RFX3: variants seen among roughly 807,000 people sequenced by gnomAD.
RFX3 encodes transcription factor RFX3.
Under a neutral mutation model 98.6 loss-of-function variants are expected in RFX3, and 14 were observed. That is an observed-to-expected ratio of 0.14 (90% confidence interval 0.09 to 0.22). The LOEUF (loss-of-function observed/expected upper bound fraction) is 0.22, where lower values mean the gene tolerates loss of function less well. Among genes scored for constraint, RFX3 ranks in the 10% least tolerant of loss-of-function variants. RFX3 has a pLI of 1.00. For missense variants in RFX3, 639 were observed against 926.9 expected, an observed-to-expected ratio of 0.69 and a Z score of 4.03; for synonymous variants, 383 against 328.4, an observed-to-expected ratio of 1.17 and a Z score of -1.80.
intron 1 of RFX3, among the ~76,000 whole-genome samples, chr9:3,470,508 T>A (rs796225324): frequency 1.3e-5 from 2 of 148,322 alleles, no homozygotes; most frequent in African/African-American, 5.1e-5. Context: ...TTTTTTTTTT[T>A]AGTAGAGACG....
intron 1 of RFX3, among the ~76,000 whole-genome samples, chr9:3,508,609 A>G (rs556844913): frequency 1.3e-4 from 20 of 152,086 alleles, no homozygotes; most frequent in Non-Finnish European, 2.7e-4. Context: ...CGTTTATTAC[A>G]TCTCCCTTTT....
intron 7 of RFX3, among the ~76,000 whole-genome samples, chr9:3,282,496 C>T (rs528836872): frequency 2.6e-5 from 4 of 151,572 alleles, no homozygotes; most frequent in African/African-American, 7.3e-5. Flanking sequence ...AAGCTGCTGG[C>T]GAAAATCAGA....
At chr9:3,491,486 G>A (rs1564170283) in intron 1 of RFX3, among the ~76,000 whole-genome samples, 1 of 152,052 alleles carries the variant, frequency 6.6e-6, no homozygotes, top group East Asian at 1.9e-4. Flanking sequence ...AAACATATCT[G>A]CAGTTATAAA....
At chr9:3,411,874 C>A (rs554429002) in intron 1 of RFX3, among the ~76,000 whole-genome samples, 1 of 152,160 alleles carries the variant, frequency 6.6e-6, no homozygotes, top group East Asian at 1.9e-4. Flanking sequence ...ACACAACAGC[C>A]CCTCCAAAAT....
chr9:3,437,729 T>A (rs1845271811), intron 1 of RFX3, among the ~76,000 whole-genome samples: 1 of 152,034 alleles, frequency 6.6e-6, no homozygotes, highest in Non-Finnish European at 1.5e-5. Flanking sequence ...AAGTAACCAC[T>A]GCAGTATTCA....
chr9:3,471,696 T>A (rs1000398018), intron 1 of RFX3, among the ~76,000 whole-genome samples: 3 of 152,238 alleles, frequency 2.0e-5, no homozygotes, highest in Admixed American at 6.5e-5. Context: ...AGGTGGCTAG[T>A]TATTAGAAAA....
intron 7 of RFX3, among the ~76,000 whole-genome samples, chr9:3,283,135 C>G (rs1448843399): frequency 6.6e-6 from 1 of 151,584 alleles, no homozygotes; most frequent in Non-Finnish European, 1.5e-5. Flanking sequence ...GAATGATAAA[C>G]TATTAACATC....
In RFX3 at chr9:3,292,061, C is replaced by CAAAAAAAAAAAAAAAAAA. The variant is rs58788880; in HGVS notation, c.731+998_731+1015dup. Reference sequence around the variant, plus strand: ...ACAGAAACAGAGTGAGACTCCATCTCAAAAAAAAAAAAAAAAAAAAAAAAA... The same window carrying CAAAAAAAAAAAAAAAAAA: ...ACAGAAACAGAGTGAGACTCCATCTCAAAAAAAAAAAAAAAAAAAAAAAAAAAAAAAAAAAAAAAAAAA... On this transcript the variant is annotated intron_variant, in intron 6 of 16. Coordinates refer to ENST00000617270, the MANE Select transcript of RFX3 (RefSeq NM_001282116.2). Among the ~76,000 whole-genome samples, 4 of 23,946 alleles carry CAAAAAAAAAAAAAAAAAA rather than the reference C, an allele frequency of 1.7e-4. 1 individual carries two copies. The highest frequency in any genetic ancestry group is 5.6e-4 in the African/African-American group (4 of 7,108). 15.7% of individuals were successfully genotyped at this position (23,946 alleles called of 152,430 possible).
At chr9:3,490,120 A>C (rs760690808) in intron 1 of RFX3, among the ~76,000 whole-genome samples, 1 of 152,214 alleles carries the variant, frequency 6.6e-6, no homozygotes, top group Non-Finnish European at 1.5e-5. Flanking sequence ...CACCATATTA[A>C]CTATTGCCAA....
chr9:3,275,850 A>T (rs1825138530), intron 8 of RFX3, among the ~76,000 whole-genome samples: 1 of 152,100 alleles, frequency 6.6e-6, no homozygotes, highest in Non-Finnish European at 1.5e-5. Context: ...TTGCAATACA[A>T]TTATACTGCA....
At chr9:3,267,685 T>C (rs1823824283) in intron 11 of RFX3, among the ~76,000 whole-genome samples, 1 of 151,818 alleles carries the variant, frequency 6.6e-6, no homozygotes, top group African/African-American at 2.4e-5. Flanking sequence ...TGAGAACTAA[T>C]CTTTTGAAAC....
intron 1 of RFX3, among the ~76,000 whole-genome samples, chr9:3,430,550 C>T (rs1406592449): frequency 6.6e-6 from 1 of 152,062 alleles, no homozygotes; most frequent in Non-Finnish European, 1.5e-5. Flanking sequence ...CTATTGTTAT[C>T]CTTTTATTTC....
intron 2 of RFX3, among the ~76,000 whole-genome samples, chr9:3,391,438 A>G (rs774093352): frequency 6.6e-6 from 1 of 152,242 alleles, no homozygotes; most frequent in Non-Finnish European, 1.5e-5. Flanking sequence ...ACTGCGTGAA[A>G]TAAAACACTT....
At chr9:3,396,451 T>G (rs1013842279) in intron 1 of RFX3, among the ~76,000 whole-genome samples, 1 of 152,210 alleles carries the variant, frequency 6.6e-6, no homozygotes, top group Non-Finnish European at 1.5e-5. Flanking sequence ...TGTTGGACAT[T>G]TGGCTTGGTT....
rs889371096 is a variant in RFX3 at position 3,346,829 on chromosome 9, A to G, written c.118-65T>C. On this transcript the variant is annotated intron_variant, in intron 2 of 16. Coordinates refer to ENST00000617270, the MANE Select transcript of RFX3 (RefSeq NM_001282116.2). ...TGATAGGAAGAATACAGAGCATTAG[A>G]TCTATCTCAAAGGTTTATCCGGTAT... 2.2e-5 allele frequency: 21 copies of G among 957,772 alleles called. No homozygotes were observed. In the African/African-American group the frequency reaches 2.6e-4, roughly 12 times the overall value. 59.3% of individuals were successfully genotyped at this position (957,772 alleles called of 1,614,324 possible).
At chr9:3,430,431 T>C (rs555603551) in intron 1 of RFX3, among the ~76,000 whole-genome samples, 1 of 152,290 alleles carries the variant, frequency 6.6e-6, no homozygotes, top group East Asian at 1.9e-4. Flanking sequence ...AGAAATAAGA[T>C]AGAGATATAA....
At chr9:3,525,292 C>T (rs1819151904) in intron 1 of RFX3, among the ~76,000 whole-genome samples, 1 of 152,106 alleles carries the variant, frequency 6.6e-6, no homozygotes, top group Non-Finnish European at 1.5e-5. Context: ...TTGTCTATTT[C>T]GGCTTTGAAA....
intron 1 of RFX3, among the ~76,000 whole-genome samples, chr9:3,440,687 C>CA (rs1336937904): frequency 2.0e-5 from 3 of 152,050 alleles, no homozygotes; most frequent in Non-Finnish European, 2.9e-5. Flanking sequence ...TAATGCAATC[C>CA]AAATCCCAAA....
chr9:3,483,007 G>A (rs146249226), intron 1 of RFX3, among the ~76,000 whole-genome samples: 3 of 152,282 alleles, frequency 2.0e-5, no homozygotes, highest in Admixed American at 2.0e-4. Flanking sequence ...ATTGTACCAA[G>A]AGTATAAGCA....
Sources: gnomAD v4.1 joint callset for allele counts (sites outside exome capture counted in the v4.1 genomes callset) on GRCh38, gnomAD v4.1.1 for gene constraint, MANE v1.5 for transcripts, NCBI Gene and HGNC (gene_info 2026-07-23, HGNC 2026-07-21) for gene names.